The following LDLRAD4 variants were observed in gnomAD, a reference collection of about 807,000 sequenced individuals.
The protein encoded by LDLRAD4 is low-density lipoprotein receptor class A domain-containing protein 4.
Under a neutral mutation model 17.0 loss-of-function variants are expected in LDLRAD4, and 5 were observed. That is an observed-to-expected ratio of 0.29 (90% confidence interval 0.15 to 0.62). The LOEUF (loss-of-function observed/expected upper bound fraction) is 0.62. Among genes scored for constraint, LDLRAD4 ranks in the 20% least tolerant of loss-of-function variants. LDLRAD4 has a pLI of 0.84. For synonymous variants in LDLRAD4, 168 were observed against 171.8 expected (o/e 0.98, Z 0.17); for missense variants, 340 against 424.7 (o/e 0.80, Z 1.75).
intron 1 of LDLRAD4, among the ~76,000 whole-genome samples, chr18:13,281,911 C>T (rs756165125): frequency 9.9e-5 from 15 of 152,040 alleles, no homozygotes; most frequent in East Asian, 1.9e-4. Context: ...AAGATATATC[C>T]GAGACTGGGA....
intron 1 of LDLRAD4, among the ~76,000 whole-genome samples, chr18:13,306,063 C>A (rs1452476988): frequency 6.6e-6 from 1 of 152,038 alleles, no homozygotes; most frequent in African/African-American, 2.4e-5. Flanking sequence ...GTTGAGTTCC[C>A]AGATACCATT....
chr18:13,316,860 A>C (rs2080961167), intron 1 of LDLRAD4, among the ~76,000 whole-genome samples: 1 of 152,216 alleles, frequency 6.6e-6, no homozygotes, highest in Non-Finnish European at 1.5e-5. Flanking sequence ...GTAAGAAGGG[A>C]GAGATGTACA....
At chr18:13,220,901 T>C (rs975138267) in intron 1 of LDLRAD4, among the ~76,000 whole-genome samples, 1 of 152,232 alleles carries the variant, frequency 6.6e-6, no homozygotes, top group Admixed American at 6.5e-5. Flanking sequence ...CGTCTCTGCA[T>C]GTAGCCAGCA....
rs1216866688 is a variant in LDLRAD4 at position 13,622,018 on chromosome 18, G to T, written c.336+747G>T. Among the ~76,000 whole-genome samples, 4 of 152,194 alleles carry T rather than the reference G, an allele frequency of 2.6e-5. No homozygotes were observed. The highest frequency in any genetic ancestry group is 4.8e-5 in the African/African-American group (2 of 41,444). ...GGGTTAGGAGCGGTGAGTTCAGCGA[G>T]CGTATAAATCCTTGGCTTCCGTGAT... On this transcript the variant is annotated intron_variant, in intron 4 of 5. Transcript: ENST00000359446. The surrounding 1 kb of genome is among the most constrained non-coding windows in gnomAD (Gnocchi z 5.3).
chr18:13,571,083 G>T (rs2094683534), intron 3 of LDLRAD4, among the ~76,000 whole-genome samples: 2 of 152,170 alleles, frequency 1.3e-5, no homozygotes, highest in African/African-American at 4.8e-5. Flanking sequence ...GCCTCCTGAA[G>T]TGCTGGGATT....
rs569397730 is a variant in LDLRAD4 at position 13,397,893 on chromosome 18, G to T, written c.40+10131G>T. On this transcript the variant is annotated intron_variant, in intron 2 of 5. Transcript: ENST00000359446. Reference sequence around the variant, plus strand: ...GGAGGGATGCTATCTTGATCTCAGCGCACGCTGTTTCACAGAGCTGACATA... The same window carrying T: ...GGAGGGATGCTATCTTGATCTCAGCTCACGCTGTTTCACAGAGCTGACATA... Among the ~76,000 whole-genome samples, 10 of 152,344 alleles carry T rather than the reference G, an allele frequency of 6.6e-5. No homozygotes were observed. The South Asian group carries it at 1.0e-3, about 16-fold the overall frequency.
chr18:13,615,133 C>G (rs1411606816), intron 3 of LDLRAD4: 1 of 152,292 alleles, frequency 6.6e-6, no homozygotes, highest in Non-Finnish European at 1.5e-5. Flanking sequence ...AGTGACCTCG[C>G]AGGGTGGGGC....
chr18:13,315,887 C>G (rs755302043), intron 1 of LDLRAD4, among the ~76,000 whole-genome samples: 1 of 151,514 alleles, frequency 6.6e-6, no homozygotes, highest in Non-Finnish European at 1.5e-5. Context: ...AATTGGATAG[C>G]AGATTGCACA....
intron 4 of LDLRAD4, among the ~76,000 whole-genome samples, chr18:13,640,177 C>G (rs1241420060): frequency 4.0e-5 from 6 of 150,862 alleles, no homozygotes; most frequent in Non-Finnish European, 7.4e-5. Context: ...CCTGTAGTCC[C>G]ATCTACTCGG....
rs558995955 is a variant in LDLRAD4, at chr18:13,355,762, G to A, written c.-382-31579G>A. On this transcript the variant is annotated intron_variant, in intron 1 of 5. Coordinates refer to ENST00000359446, the Ensembl canonical transcript of LDLRAD4. ...TCCTCCCACCTTAGCCTCCAGAGTA[G>A]CTGGGACCACATGCATGTGCCACCA... Among the ~76,000 whole-genome samples the A allele has an allele frequency of 2.0e-5, 3 of 152,222 alleles. No homozygotes were observed. In the South Asian group the frequency reaches 6.2e-4, roughly 32 times the overall value.
At chr18:13,228,016 C>G (rs1011078311) in intron 1 of LDLRAD4, among the ~76,000 whole-genome samples, 9 of 152,218 alleles carry the variant, frequency 5.9e-5, no homozygotes, top group Admixed American at 5.9e-4. Flanking sequence ...GGCAGAAGCT[C>G]AGCTGGTGAT....
At chr18:13,549,392 C>T (rs1261192853) in intron 3 of LDLRAD4, among the ~76,000 whole-genome samples, 1 of 152,036 alleles carries the variant, frequency 6.6e-6, no homozygotes, top group East Asian at 1.9e-4. Flanking sequence ...GATAGTGGAG[C>T]TGCCATGGTC....
intron 3 of LDLRAD4, 143 bp from the exon 5 acceptor site, chr18:13,620,974 C>A: frequency 8.5e-7 from 1 of 1,178,082 alleles, no homozygotes; most frequent in Non-Finnish European, 1.2e-6. Flanking sequence ...GTGGGACAGT[C>A]GTTTCTGTGT....
intron 1 of LDLRAD4, among the ~76,000 whole-genome samples, chr18:13,263,052 C>T (rs1338440210): frequency 1.5e-5 from 2 of 132,372 alleles, no homozygotes; most frequent in Non-Finnish European, 3.1e-5. Flanking sequence ...GGGCCGAGTC[C>T]CGTGCGGCTC....
In LDLRAD4 at chr18:13,300,896, A is replaced by C. The variant is rs2046556747; in HGVS notation, c.-383+22708A>C. Among the ~76,000 whole-genome samples the C allele has an allele frequency of 6.6e-6, 1 of 152,234 alleles. No homozygotes were observed. The highest frequency in any genetic ancestry group is 2.1e-4 in the South Asian group (1 of 4,832). ...GAACTGGGAGCCGGCAGCGCGTCCC[A>C]GCGCTGAACCCGTGGCACCTGGCTG... is the stretch of plus-strand genomic sequence containing the variant. On this transcript the variant is annotated intron_variant, in intron 1 of 5. Coordinates refer to ENST00000359446, the Ensembl canonical transcript of LDLRAD4. This position sits in a 1 kb window ranked among gnomAD's most constrained non-coding sequence, Gnocchi z 4.2.
intron 5 of LDLRAD4, among the ~76,000 whole-genome samples, chr18:13,644,181 A>C (rs1035376223): frequency 1.1e-4 from 16 of 152,190 alleles, no homozygotes; most frequent in African/African-American, 3.9e-4. Context: ...GTTAAAAAGT[A>C]ATTGGCAATG....
intron 3 of LDLRAD4, among the ~76,000 whole-genome samples, chr18:13,594,944 T>C (rs1406010828): frequency 6.6e-6 from 1 of 152,156 alleles, no homozygotes; most frequent in Non-Finnish European, 1.5e-5. Flanking sequence ...AGATTTGTTA[T>C]TTCTTCTTGA....
At chr18:13,592,386 TA>T (rs2095040848) in intron 3 of LDLRAD4, among the ~76,000 whole-genome samples, 1 of 152,240 alleles carries the variant, frequency 6.6e-6, no homozygotes, top group Non-Finnish European at 1.5e-5. Flanking sequence ...TGCAGTCTGC[TA>T]AGTCGACTGT....
At chr18:13,564,730 CTG>C (rs2094579222) in intron 3 of LDLRAD4, among the ~76,000 whole-genome samples, 1 of 152,098 alleles carries the variant, frequency 6.6e-6, no homozygotes, top group Non-Finnish European at 1.5e-5. Flanking sequence ...GGCCGTGAGT[CTG>C]GAAACCATTT....
Sources: allele counts gnomAD v4.1 joint callset (sites outside exome capture counted in the v4.1 genomes callset), GRCh38; gene constraint gnomAD v4.1.1; non-coding constraint Gnocchi (gnomAD v3.1); transcripts MANE v1.5; gene names NCBI Gene and HGNC (gene_info 2026-07-23, HGNC 2026-07-21).